MAP1S: variants seen among roughly 807,000 people sequenced by gnomAD.
MAP1S encodes microtubule associated protein 1S.
A neutral mutation model predicts 60.9 loss-of-function variants in MAP1S; 27 were observed. That is an observed-to-expected ratio of 0.44 (90% confidence interval 0.33 to 0.61). The LOEUF (loss-of-function observed/expected upper bound fraction) is 0.61. Among genes scored for constraint, MAP1S ranks in the 20% least tolerant of loss-of-function variants. The probability of loss-of-function intolerance (pLI) is 0.03; values close to 1 mark genes in which losing one functional copy is unlikely to be tolerated. For missense variants in MAP1S, 1,608 were observed against 1,486.6 expected, an observed-to-expected ratio of 1.08 and a Z score of -1.34; for synonymous variants, 826 against 694.2, an observed-to-expected ratio of 1.19 and a Z score of -2.98.
intron 2 of MAP1S, among the ~76,000 whole-genome samples, chr19:17,722,490 T>G (rs2145971711): frequency 9.0e-6 from 1 of 110,854 alleles, no homozygotes; most frequent in South Asian, 2.9e-4. Flanking sequence ...GGCTCACACC[T>G]ATAATCCCAG....
chr19:17,725,955 C>A lies in MAP1S; in HGVS notation c.571C>A (p.Leu191Ile). The change falls in exon 5 of 7, where the codon CTC becomes ATC. Residue 191 changes from leucine (L) to isoleucine (I), a missense_variant. Transcript: ENST00000324096. This position sits in a 1 kb window ranked among gnomAD's most constrained non-coding sequence, Gnocchi z 4.2. Reference protein sequence around the residue: ...AVPGLQGALRLQLRLNPPAQL... With the variant: ...AVPGLQGALRIQLRLNPPAQL... ...GCCTGGCCTTCAGGGGGCGCTCCGG[C>A]TCCAGCTGCGGCTGAACCCCCCGGC... 1 of 1,612,972 alleles carries A rather than the reference C, an allele frequency of 6.2e-7. No individual in the cohort carries two copies. The highest frequency in any genetic ancestry group is 8.5e-7 in the Non-Finnish European group (1 of 1,179,624).
chr19:17,724,968 C>A, intron 3 of MAP1S, 81 bp from the exon 4 acceptor site: 1 of 1,572,886 alleles, frequency 6.4e-7, no homozygotes, highest in Non-Finnish European at 8.7e-7. Context: ...GGTTATGTAT[C>A]GACTCGAGGC....
Position 17,726,608 on chromosome 19 carries a change from G to A in MAP1S, c.1224G>A (p.Thr408=), listed in dbSNP as rs138676223. 0.019 allele frequency: 30,209 copies of A among 1,570,488 alleles called. 366 individuals are homozygous for A. The highest frequency in any genetic ancestry group is 0.023 in the Non-Finnish European group (26,944 of 1,162,698). ...LHPPSAGAER[T]LASVCALLVW... ...CGCCCTCCGCCGGCGCCGAGCGCAC[G>A]CTGGCCTCTGTGTGCGCCCTGCTGG... Residue 408 remains threonine, a synonymous_variant, in exon 5 of 7, where the codon ACG becomes ACA. Coordinates refer to ENST00000324096, the MANE Select transcript of MAP1S (RefSeq NM_018174.6).
Position 17,726,691 on chromosome 19 carries a change from C to T in MAP1S, c.1307C>T (p.Thr436Ile). 2 of 1,586,962 alleles carry T rather than the reference C, an allele frequency of 1.3e-6. No homozygotes were observed. The highest frequency in any genetic ancestry group is 8.5e-7 in the Non-Finnish European group (1 of 1,170,568). ...GTGCGCGTGCTGTTCCCCGGTTGCA[C>T]CCCGCCCGCCTGCCTCCTGGACGGC... is the stretch of plus-strand genomic sequence containing the variant. ...KVVRVLFPGC[T>I]PPACLLDGLV... The change falls in exon 5 of 7, where the codon ACC (threonine) becomes ATC (isoleucine). Residue 436 changes from threonine to isoleucine, a missense_variant. Physicochemically the swap from Thr to Ile is moderately conservative, Grantham distance 89. Around this residue, in one of 4 missense-constraint regions of MAP1S, gnomAD observed 1,167 missense variants for 961.4 expected, o/e 1.21. Transcript: ENST00000324096.
intron 5 of MAP1S, among the ~76,000 whole-genome samples, chr19:17,732,347 T>C (rs1463406920): frequency 2.0e-5 from 3 of 152,232 alleles, no homozygotes; most frequent in African/African-American, 7.2e-5. Flanking sequence ...TCTTACCCCC[T>C]GAGCTGGGCA....
In MAP1S at chr19:17,727,034, C is replaced by T. The variant is rs773407229; in HGVS notation, c.1650C>T (p.Asn550=). 2 of 1,605,032 alleles carry T rather than the reference C, an allele frequency of 1.2e-6. No individual in the cohort carries two copies. The highest frequency in any genetic ancestry group is 4.5e-5 in the East Asian group (2 of 44,532). The stretch of plus-strand genomic sequence containing the variant: ...GCCGGGCAGCCTCTTCTGTGCCCAA[C>T]CTCAAGAAGACGAATGCCCAGGCGG... The part of the protein sequence containing the change: ...EVRRAASSVP[N]LKKTNAQAAP... Residue 550 remains asparagine (N), a synonymous_variant, in exon 5 of 7, where the codon AAC becomes AAT. Coordinates refer to ENST00000324096, the MANE Select transcript of MAP1S (RefSeq NM_018174.6). The surrounding 1 kb of genome is among the most constrained non-coding windows in gnomAD (Gnocchi z 4.1).
In MAP1S at chr19:17,720,998, G is replaced by C. The variant is rs745822184; in HGVS notation, c.181G>C (p.Val61Leu). 6 of 1,614,024 alleles carry C rather than the reference G, an allele frequency of 3.7e-6. No individual in the cohort carries two copies. The highest frequency in any genetic ancestry group is 1.7e-5 in the Admixed American group (1 of 59,990). Residue 61 changes from valine to leucine, a missense_variant, in exon 2 of 7, where the codon GTG (valine) becomes CTG (leucine). Physicochemically the swap from Val to Leu is conservative, Grantham distance 32. This residue lies in a region of MAP1S where 320 missense variants were observed against 393.1 expected (regional missense o/e 0.81). Transcript: ENST00000324096. ...CNLDEQLKVFVSRHSATFSSI... is the reference protein window; with the variant it reads ...CNLDEQLKVFLSRHSATFSSI... Reference sequence around the variant, plus strand: ...CCTTGATGAACAGCTCAAGGTCTTTGTGTCCCGACACTCTGCCACCTTCTC... The same window carrying C: ...CCTTGATGAACAGCTCAAGGTCTTTCTGTCCCGACACTCTGCCACCTTCTC...
At position 17,719,480 on chromosome 19, in the gene MAP1S, G is replaced by T. The variant is rs1013009591; in HGVS notation, c.-23G>T. 1.6e-6 allele frequency: 2 copies of T among 1,237,658 alleles called. No individual in the cohort carries two copies. The highest frequency in any genetic ancestry group is 2.0e-6 in the Non-Finnish European group (2 of 982,622). The allele number at this position is 1,237,658 out of a possible 1,614,324, so 76.7% of individuals were successfully genotyped here. ...AGGCGGGGCCTGCGGGGCGGGCGCC[G>T]AGAACGCCGGGGCGGCCCGAAGATG... is the stretch of plus-strand genomic sequence containing the variant. On this transcript the variant is annotated 5_prime_UTR_variant, in exon 1 of 7. Transcript: ENST00000324096.
At chr19:17,734,166 T>A in intron 6 of MAP1S, 107 bp from the exon 7 acceptor site, 1 of 870,816 alleles carries the variant, frequency 1.1e-6, no homozygotes, top group Non-Finnish European at 1.8e-6. Context: ...CCAGGAGGGG[T>A]CTCAAATGCC....
In MAP1S at chr19:17,727,412, G is replaced by T. The variant is rs1257739056; in HGVS notation, c.2028G>T (p.Thr676=). The T allele has an allele frequency of 6.3e-7, 1 of 1,598,760 alleles. No individual in the cohort carries two copies. Among genetic ancestry groups the T allele is most frequent in the Non-Finnish European group, 8.5e-7 (1 of 1,173,424 alleles). ...CCTCACCCACAGTGACCACACCCAC[G>T]GTGACCACGCCCTCACTACCCGCAG... ...PDASPTVTTP[T]VTTPSLPAEV... The change falls in exon 5 of 7, where the codon ACG becomes ACT. Residue 676 remains threonine (T), a synonymous_variant. Coordinates refer to ENST00000324096, the MANE Select transcript of MAP1S (RefSeq NM_018174.6). This position sits in a 1 kb window ranked among gnomAD's most constrained non-coding sequence, Gnocchi z 4.1.
At chr19:17,729,477 T>C (rs942345748) in intron 5 of MAP1S, among the ~76,000 whole-genome samples, 3 of 152,170 alleles carry the variant, frequency 2.0e-5, no homozygotes, top group Non-Finnish European at 4.4e-5. Flanking sequence ...CAGGCCTTGC[T>C]GAGAGGAGGG....
chr19:17,723,409 G>A (rs563453679), intron 2 of MAP1S, among the ~76,000 whole-genome samples: 1 of 152,134 alleles, frequency 6.6e-6, no homozygotes, highest in African/African-American at 2.4e-5. Flanking sequence ...TTAATGGGGC[G>A]TGGTGGCGTG....
At chr19:17,723,834 G>A (rs1240036051) in intron 2 of MAP1S, among the ~76,000 whole-genome samples, 1 of 152,134 alleles carries the variant, frequency 6.6e-6, no homozygotes, top group Non-Finnish European at 1.5e-5. Flanking sequence ...CAGCCTGGGC[G>A]ACAGAGCGAG....
chr19:17,734,345 G>T lies in MAP1S; in HGVS notation c.3097G>T (p.Ala1033Ser). 6.2e-7 allele frequency: 1 copy of T among 1,613,868 alleles called. No homozygotes were observed. Among genetic ancestry groups the T allele is most frequent in the Non-Finnish European group, 8.5e-7 (1 of 1,179,976 alleles). ...WYAETHARHQ[A>S]LGITVLGSNS... ...CGCAGAGACGCACGCCCGGCACCAG[G>T]CGCTGGGCATCACGGTGTTGGGCAG... Residue 1033 changes from alanine (A) to serine (S), a missense_variant, in exon 7 of 7, where the codon GCG becomes TCG. Around this residue, in one of 4 missense-constraint regions of MAP1S, gnomAD observed 76 missense variants for 110.1 expected, o/e 0.69. Coordinates refer to ENST00000324096, the MANE Select transcript of MAP1S (RefSeq NM_018174.6).
intron 1 of MAP1S, chr19:17,720,442 G>A (rs1274196683): frequency 6.5e-7 from 1 of 1,534,680 alleles, no homozygotes; most frequent in Non-Finnish European, 8.7e-7. Flanking sequence ...TCTGGTTTGG[G>A]GATGGACCCA....
In MAP1S at chr19:17,725,037, C is replaced by A; in HGVS notation, c.304-12C>A. 2 of 1,614,114 alleles carry A rather than the reference C, an allele frequency of 1.2e-6. No homozygotes were observed. Among genetic ancestry groups the A allele is most frequent in the South Asian group, 1.1e-5 (1 of 91,076 alleles). On this transcript the variant is annotated splice_polypyrimidine_tract_variant and intron_variant, in intron 3 of 6. Coordinates refer to ENST00000324096, the MANE Select transcript of MAP1S (RefSeq NM_018174.6). This position sits in a 1 kb window ranked among gnomAD's most constrained non-coding sequence, Gnocchi z 4.2. ...ACAGAACGGGTCCTTTAGTGTTCACCCCCTCCCTCAGCTCCGGAACCTTCT... is the reference window on the plus strand; with the variant it reads ...ACAGAACGGGTCCTTTAGTGTTCACACCCTCCCTCAGCTCCGGAACCTTCT...
intron 5 of MAP1S, chr19:17,732,979 G>A: frequency 1.8e-6 from 1 of 541,836 alleles, no homozygotes; most frequent in Non-Finnish European, 3.3e-6. Flanking sequence ...TTGAGCCCAG[G>A]AGTTTGTGAC....
At chr19:17,721,099 G>C in intron 2 of MAP1S, 62 bp downstream of exon 2, 1 of 1,339,402 alleles carries the variant, frequency 7.5e-7, no homozygotes. Flanking sequence ...TGCCAGCCGT[G>C]TGCCAGGCAT....
rs148742117 is a variant in MAP1S at position 17,726,056 on chromosome 19, C to T, written c.672C>T (p.Phe224=). The change falls in exon 5 of 7, where the codon TTC becomes TTT. Residue 224 remains phenylalanine (F), a synonymous_variant. Coordinates refer to ENST00000324096, the MANE Select transcript of MAP1S (RefSeq NM_018174.6). ...AGTCTCTGGAGCCACCGTCCCCCTT[C>T]GAGCTGCTGGAGCCCCCGACCTCCG... ...VAESLEPPSP[F]ELLEPPTSGG... 3.1e-6 allele frequency: 5 copies of T among 1,613,446 alleles called. No homozygotes were observed. The highest frequency in any genetic ancestry group is 2.2e-5 in the East Asian group (1 of 44,858).
Sources: allele counts gnomAD v4.1 joint callset (sites outside exome capture counted in the v4.1 genomes callset), GRCh38; gene constraint gnomAD v4.1.1; regional missense constraint gnomAD v4.1.1; non-coding constraint Gnocchi (gnomAD v3.1); transcripts MANE v1.5; gene names NCBI Gene and HGNC (gene_info 2026-07-23, HGNC 2026-07-21).